Variants in NSD2 observed in about 807,000 individuals in gnomAD.
NSD2 encodes nuclear receptor binding SET domain protein 2.
In NSD2, 12 loss-of-function variants were observed where a neutral mutation model predicts 139.0. That is an observed-to-expected ratio of 0.09 (90% CI 0.06 to 0.14). The LOEUF is 0.14. NSD2 is among the 10% of genes least tolerant of loss of function. The pLI is 1.00. For missense variants in NSD2, 1,155 were observed against 1,745.0 expected (o/e 0.66, Z 6.02); for synonymous variants, 669 against 648.7 (o/e 1.03, Z -0.48).
intron 18 of NSD2, among the ~76,000 whole-genome samples, chr4:1,964,297 G>T (rs761020096): frequency 5.3e-5 from 8 of 152,316 alleles, no homozygotes; most frequent in Non-Finnish European, 1.2e-4. Flanking sequence ...GATAATGGCA[G>T]AGCAGGAAGC....
intron 1 of NSD2, among the ~76,000 whole-genome samples, chr4:1,876,183 C>T (rs1714243019): frequency 6.6e-6 from 1 of 151,846 alleles, no homozygotes; most frequent in Admixed American, 6.6e-5. Context: ...CACTGCCCTC[C>T]ACCCTGGTTG....
intron 1 of NSD2, among the ~76,000 whole-genome samples, chr4:1,882,273 G>T (rs1403430040): frequency 6.6e-6 from 1 of 152,186 alleles, no homozygotes; most frequent in Non-Finnish European, 1.5e-5. Context: ...AAAGTGACAC[G>T]TAACTTCTGA....
intron 6 of NSD2, among the ~76,000 whole-genome samples, chr4:1,934,878 AATATAT>A (rs1161633448): frequency 0.011 from 234 of 22,062 alleles, 6 homozygotes; most frequent in East Asian, 0.03. Context: ...AAAAAAAAAA[AATATAT>A]ATATATATAT....
At chr4:1,943,798 A>G (rs1723347109) in intron 9 of NSD2, 9 of 1,061,916 alleles carry the variant, frequency 8.5e-6, no homozygotes, top group Non-Finnish European at 1.0e-5. Context: ...TTCAATAAGC[A>G]GTCACCCAAA....
chr4:1,945,257 G>C, intron 9 of NSD2: 2 of 1,066,882 alleles, frequency 1.9e-6, no homozygotes, highest in Non-Finnish European at 2.3e-6. Context: ...CATTTGGAGA[G>C]TCTCATGTAG....
intron 3 of NSD2, among the ~76,000 whole-genome samples, chr4:1,911,873 T>C (rs1359375363): frequency 2.6e-5 from 4 of 152,212 alleles, no homozygotes; most frequent in Non-Finnish European, 5.9e-5. Context: ...CAATAATCTC[T>C]TCTGCTTTTT....
In NSD2 at chr4:1,955,356, G is replaced by A. The variant is rs371675831; in HGVS notation, c.2518+16G>A. 1.2e-6 allele frequency: 2 copies of A among 1,601,156 alleles called. No homozygotes were observed. The highest frequency in any genetic ancestry group is 2.7e-5 in the African/African-American group (2 of 74,690). Reference sequence around the variant, plus strand: ...TGCTCCAAAGGTGAGGGGCCTGGGGGTGTCTGCGGCACACGCCTCTCACAC... The same window carrying A: ...TGCTCCAAAGGTGAGGGGCCTGGGGATGTCTGCGGCACACGCCTCTCACAC... On this transcript the variant is annotated intron_variant, in intron 13 of 21. Transcript: ENST00000508803. The surrounding 1 kb of genome is among the most constrained non-coding windows in gnomAD (Gnocchi z 4.7).
rs113466969 is a variant in NSD2 at position 1,934,016 on chromosome 4, G to GT, written c.1556-1117dup. ...GGAAATGTTTAAAAAGTAGCAAGTTGTTTTTTTTTTTAAGTTCAACTTAAA... is the reference window on the plus strand; with the variant it reads ...GGAAATGTTTAAAAAGTAGCAAGTTGTTTTTTTTTTTTAAGTTCAACTTAAA... On this transcript the variant is annotated intron_variant, in intron 6 of 21. Transcript: ENST00000508803. Among the ~76,000 whole-genome samples the GT allele has an allele frequency of 3.5e-3, 467 of 133,052 alleles. 5 individuals are homozygous for GT. Among genetic ancestry groups the GT allele is most frequent in the African/African-American group, 0.011 (347 of 30,592 alleles). 87.3% of individuals were successfully genotyped at this position (133,052 alleles called of 152,430 possible).
intron 9 of NSD2, chr4:1,939,982 TACAC>T: frequency 7.0e-7 from 1 of 1,430,628 alleles, no homozygotes; most frequent in Non-Finnish European, 9.1e-7. Flanking sequence ...GCACTTTTTA[TACAC>T]ACGCACACAG....
In NSD2 at chr4:1,942,090, T is replaced by G; in HGVS notation, c.1881+2312T>G. Reference sequence around the variant, plus strand: ...TAAGGTACTTTTATAGGGTTGGTATTTCAGAACACTTTAGGTCATGTTGTA... The same window carrying G: ...TAAGGTACTTTTATAGGGTTGGTATGTCAGAACACTTTAGGTCATGTTGTA... On this transcript the variant is annotated intron_variant, in intron 9 of 21. Transcript: ENST00000508803. The surrounding 1 kb of genome is among the most constrained non-coding windows in gnomAD (Gnocchi z 4.0). 8.3e-7 allele frequency: 1 copy of G among 1,211,786 alleles called. No individual in the cohort carries two copies. Among genetic ancestry groups the G allele is most frequent in the Non-Finnish European group, 1.0e-6 (1 of 968,312 alleles). 75.1% of individuals were successfully genotyped at this position (1,211,786 alleles called of 1,614,324 possible).
chr4:1,932,927 A>G (rs1049605363), intron 6 of NSD2, among the ~76,000 whole-genome samples: 10 of 152,178 alleles, frequency 6.6e-5, no homozygotes, highest in African/African-American at 2.2e-4. Flanking sequence ...GTGCTCACGA[A>G]CGGGTGTTCT....
chr4:1,873,264 T>C (rs1291031257), intron 1 of NSD2, among the ~76,000 whole-genome samples: 1 of 152,218 alleles, frequency 6.6e-6, no homozygotes, highest in East Asian at 1.9e-4. Flanking sequence ...CTGACTGCAT[T>C]AATACCAGAG....
intron 12 of NSD2, among the ~76,000 whole-genome samples, chr4:1,954,134 G>A (rs1724570175): frequency 6.6e-6 from 1 of 152,062 alleles, no homozygotes; most frequent in African/African-American, 2.4e-5. Context: ...ACAGGCACGT[G>A]CCACCATACC....
chr4:1,937,931 T>C (rs1026217935), intron 7 of NSD2, among the ~76,000 whole-genome samples: 1 of 152,244 alleles, frequency 6.6e-6, no homozygotes, highest in African/African-American at 2.4e-5. Context: ...ATTAGGTGTA[T>C]CTGGTGTTTG....
chr4:1,926,584 C>G (rs951882277), intron 5 of NSD2, among the ~76,000 whole-genome samples: 1 of 151,892 alleles, frequency 6.6e-6, no homozygotes, highest in African/African-American at 2.4e-5. Flanking sequence ...GATCCTCCCC[C>G]CTCAGCCTTC....
intron 6 of NSD2, among the ~76,000 whole-genome samples, chr4:1,934,425 A>C (rs908245130): frequency 6.6e-6 from 1 of 150,646 alleles, no homozygotes; most frequent in Non-Finnish European, 1.5e-5. Context: ...ATCAGGAGGC[A>C]GAGGTTGCAG....
chr4:1,934,881 ATATATATAT>A, intron 6 of NSD2, among the ~76,000 whole-genome samples: 4 of 66,398 alleles, frequency 6.0e-5, no homozygotes, highest in African/African-American at 1.7e-4. Context: ...AAAAAAAAAT[ATATATATAT>A]ATATATATAT....
chr4:1,920,010 A>G (rs934385702), intron 5 of NSD2, among the ~76,000 whole-genome samples: 1 of 152,206 alleles, frequency 6.6e-6, no homozygotes, highest in Non-Finnish European at 1.5e-5. Context: ...TGTGGCAGGC[A>G]GTGTGGCACA....
At chr4:1,918,677 C>T in intron 5 of NSD2, 54 bp downstream of exon 5, 1 of 1,595,820 alleles carries the variant, frequency 6.3e-7, no homozygotes, top group Non-Finnish European at 8.5e-7. Flanking sequence ...GAGGAACATC[C>T]CTTCAGTGCA....
Sources: gnomAD v4.1 joint callset for allele counts (sites outside exome capture counted in the v4.1 genomes callset) on GRCh38, gnomAD v4.1.1 for gene constraint, Gnocchi (gnomAD v3.1) non-coding constraint, MANE v1.5 for transcripts, NCBI Gene and HGNC (gene_info 2026-07-23, HGNC 2026-07-21) for gene names.